Variants in DNAH10 observed in about 807,000 individuals in gnomAD.
DNAH10 encodes axonemal beta dynein heavy chain 10.
Under a neutral mutation model 506.6 loss-of-function variants are expected in DNAH10, and 348 were observed. That is an observed-to-expected ratio of 0.69 (90% confidence interval 0.63 to 0.75). The LOEUF (loss-of-function observed/expected upper bound fraction) is 0.75, where lower values mean the gene tolerates loss of function less well. DNAH10 is among the 30% of genes least tolerant of loss of function. DNAH10 has a pLI of 0.00. For missense variants in DNAH10, 5,179 were observed against 5,787.1 expected, an observed-to-expected ratio of 0.89 and a Z score of 3.41; for synonymous variants, 2,059 against 2,198.6, an observed-to-expected ratio of 0.94 and a Z score of 1.78.
At chr12:123,934,107 G>GT (rs1955353684) in intron 77 of DNAH10, 7 of 613,310 alleles carry the variant, frequency 1.1e-5, no homozygotes, top group South Asian at 1.1e-4. Context: ...GGCAGGGGAG[G>GT]TGGCAGGTGT....
intron 11 of DNAH10, 24 bp downstream of exon 11, chr12:123,790,145 C>T (rs1326245445): frequency 6.2e-7 from 1 of 1,607,904 alleles, no homozygotes; most frequent in African/African-American, 1.3e-5. Context: ...CCATTGAGTC[C>T]ATCTTGGGAG....
chr12:123,852,120 ACC>A (rs1478921768), intron 35 of DNAH10, among the ~76,000 whole-genome samples: 1 of 151,936 alleles, frequency 6.6e-6, no homozygotes, highest in African/African-American at 2.4e-5. Context: ...AACTCCTGCA[ACC>A]CCTGATCTAT....
intron 18 of DNAH10, among the ~76,000 whole-genome samples, 164 bp downstream of exon 18, chr12:123,805,204 G>A (rs1456443920): frequency 6.6e-6 from 1 of 152,116 alleles, no homozygotes; most frequent in Non-Finnish European, 1.5e-5. Context: ...TGACCTTCAT[G>A]ATCTTGTTAG....
intron 8 of DNAH10, 30 bp downstream of exon 8, chr12:123,784,207 A>G: frequency 6.3e-7 from 1 of 1,589,378 alleles, no homozygotes; most frequent in Non-Finnish European, 8.6e-7. Flanking sequence ...CTTTGCAGTC[A>G]GCTCTGTCAA....
chr12:123,780,622 T>C (rs1279809992), intron 5 of DNAH10, among the ~76,000 whole-genome samples: 1 of 152,072 alleles, frequency 6.6e-6, no homozygotes, highest in Non-Finnish European at 1.5e-5. Flanking sequence ...TGCTCCGGTT[T>C]GAGTGGTTTT....
intron 39 of DNAH10, among the ~76,000 whole-genome samples, chr12:123,863,408 A>G (rs1249863637): frequency 6.6e-6 from 1 of 152,206 alleles, no homozygotes; most frequent in Non-Finnish European, 1.5e-5. Flanking sequence ...TTAGTTTCCT[A>G]GGGCTGCCAT....
Position 123,928,143 on chromosome 12 carries a change from G to A in DNAH10, c.12106-244G>A. On this transcript the variant is annotated intron_variant, in intron 69 of 78. Transcript: ENST00000673944. This position sits in a 1 kb window ranked among gnomAD's most constrained non-coding sequence, Gnocchi z 4.9. ...GACTTCCAGGGCCAGGGAGGCAGAT[G>A]AGTGCAAAATGCTCACCCATCTTCC... is the stretch of plus-strand genomic sequence containing the variant. 1.7e-6 allele frequency: 1 copy of A among 586,582 alleles called. No individual in the cohort carries two copies. The highest frequency in any genetic ancestry group is 2.8e-5 in the East Asian group (1 of 35,310). The allele number at this position is 586,582 out of a possible 1,614,324, so 36.3% of individuals were successfully genotyped here.
intron 77 of DNAH10, 148 bp downstream of exon 77, chr12:123,933,659 T>C (rs1955325259): frequency 1.1e-6 from 1 of 921,690 alleles, no homozygotes; most frequent in South Asian, 1.8e-5. Context: ...TTCCTGTGTC[T>C]CTGCACTGCC....
intron 5 of DNAH10, among the ~76,000 whole-genome samples, chr12:123,777,245 G>C (rs778337353): frequency 2.6e-5 from 4 of 152,226 alleles, no homozygotes; most frequent in Non-Finnish European, 5.9e-5. Context: ...AAGGGACTGG[G>C]TGGAACAACC....
Position 123,924,486 on chromosome 12 carries a change from C to G in DNAH10, c.11766+54C>G, listed in dbSNP as rs539267812. On this transcript the variant is annotated intron_variant, in intron 67 of 78. Coordinates refer to ENST00000673944, the MANE Select transcript of DNAH10 (RefSeq NM_001372106.1). Reference sequence around the variant, plus strand: ...TCCTTCCCCACATGTCAACAATCTCCAAACCTCAACTGTGGCCCAACCCCT... The same window carrying G: ...TCCTTCCCCACATGTCAACAATCTCGAAACCTCAACTGTGGCCCAACCCCT... 1.9e-6 allele frequency: 3 copies of G among 1,590,810 alleles called. No homozygotes were observed. In the African/African-American group the frequency reaches 4.0e-5, roughly 21 times the overall value.
intron 78 of DNAH10, 191 bp downstream of exon 78, chr12:123,934,957 T>C (rs1955422032): frequency 1.4e-6 from 1 of 726,928 alleles, no homozygotes; most frequent in African/African-American, 1.8e-5. Flanking sequence ...GCTGTATGTG[T>C]GTGTGGATGC....
intron 5 of DNAH10, among the ~76,000 whole-genome samples, chr12:123,774,812 A>G (rs1359400911): frequency 1.3e-5 from 2 of 152,158 alleles, no homozygotes; most frequent in Non-Finnish European, 1.5e-5. Flanking sequence ...GCCATTATGG[A>G]CATGTTACCA....
intron 62 of DNAH10, 60 bp downstream of exon 62, chr12:123,915,059 C>G (rs1270866050): frequency 6.6e-7 from 1 of 1,515,774 alleles, no homozygotes; most frequent in East Asian, 2.4e-5. Context: ...GGAGAATGCC[C>G]CTCCCGCCTC....
chr12:123,913,379 C>G lies in DNAH10; in HGVS notation c.10352+64C>G. ...AACGGACGTCACCCACAGAGTTTCT[C>G]GCCATGTTGATTCTTTATCTCACGT... On this transcript the variant is annotated intron_variant, in intron 60 of 78. Coordinates refer to ENST00000673944, the MANE Select transcript of DNAH10 (RefSeq NM_001372106.1). The surrounding 1 kb of genome is among the most constrained non-coding windows in gnomAD (Gnocchi z 5.1). 1.4e-6 allele frequency: 2 copies of G among 1,462,950 alleles called. No individual in the cohort carries two copies. The highest frequency in any genetic ancestry group is 1.8e-6 in the Non-Finnish European group (2 of 1,093,524). 90.6% of individuals were successfully genotyped at this position (1,462,950 alleles called of 1,614,324 possible).
Position 123,851,090 on chromosome 12 carries a change from G to C in DNAH10, c.6291+14G>C. 6.3e-7 allele frequency: 1 copy of C among 1,587,762 alleles called. No individual in the cohort carries two copies. The highest frequency in any genetic ancestry group is 8.6e-7 in the Non-Finnish European group (1 of 1,164,672). On this transcript the variant is annotated intron_variant, in intron 35 of 78. Coordinates refer to ENST00000673944, the MANE Select transcript of DNAH10 (RefSeq NM_001372106.1). ...CTGGAGGCCAAGGTGGGGGGCCTTG[G>C]CAGCGCCAGGTCGTGCAGTGCAGAC...
At chr12:123,893,074 C>A (rs903293114) in intron 52 of DNAH10, among the ~76,000 whole-genome samples, 159 bp from the exon 53 acceptor site, 1 of 152,228 alleles carries the variant, frequency 6.6e-6, no homozygotes. Context: ...GGGCTTGCCA[C>A]GAGGTGGCAG....
chr12:123,904,554 G>T (rs73424831), intron 57 of DNAH10, among the ~76,000 whole-genome samples: 2,440 of 152,204 alleles, frequency 0.016, 67 homozygotes, highest in African/African-American at 0.053. Context: ...CAAATAGAGG[G>T]CGTGGCATGT....
Position 123,917,638 on chromosome 12 carries a change from G to GGCGGGAGCTGGAGGAGCA in DNAH10, c.11066_11083dup (p.Leu3689_Glu3694dup). 2 of 1,551,698 alleles carry GGCGGGAGCTGGAGGAGCA rather than the reference G, an allele frequency of 1.3e-6. No homozygotes were observed. Among genetic ancestry groups the GGCGGGAGCTGGAGGAGCA allele is most frequent in the Non-Finnish European group, 1.7e-6 (2 of 1,147,070 alleles). ...CTGAGCGTGCTGGTGGCTTACGAGA[G>GGCGGGAGCTGGAGGAGCA]GCGGGAGCTGGAGGAGCAGCGGGAG... On this transcript the variant is annotated inframe_insertion, in exon 64 of 79. Coordinates refer to ENST00000673944, the MANE Select transcript of DNAH10 (RefSeq NM_001372106.1). The surrounding 1 kb of genome is among the most constrained non-coding windows in gnomAD (Gnocchi z 5.6).
Position 123,819,530 on chromosome 12 carries a change from G to A in DNAH10, c.4000+280G>A, listed in dbSNP as rs190300835. Among the ~76,000 whole-genome samples, 25 of 151,948 alleles carry A rather than the reference G, an allele frequency of 1.6e-4. 1 individual carries two copies. The highest frequency in any genetic ancestry group is 1.1e-3 in the Admixed American group (17 of 15,260). ...TGTGGGGGATACAGAGGTTTCTGCCGCAGCTCAGAAATCTTAAACACCAGC... is the reference window on the plus strand; with the variant it reads ...TGTGGGGGATACAGAGGTTTCTGCCACAGCTCAGAAATCTTAAACACCAGC... On this transcript the variant is annotated intron_variant, in intron 23 of 78. Coordinates refer to ENST00000673944, the MANE Select transcript of DNAH10 (RefSeq NM_001372106.1).
Sources: gnomAD v4.1 joint callset for allele counts (sites outside exome capture counted in the v4.1 genomes callset) on GRCh38, gnomAD v4.1.1 for gene constraint, Gnocchi (gnomAD v3.1) non-coding constraint, MANE v1.5 for transcripts, NCBI Gene and HGNC (gene_info 2026-07-23, HGNC 2026-07-21) for gene names.